The following RAP1GAP2 variants were observed in gnomAD, a reference collection of about 807,000 sequenced individuals.
The protein encoded by RAP1GAP2 is RAP1 GTPase activating protein 2.
RAP1GAP2 carries 27 observed loss-of-function variants against 95.0 expected under a neutral mutation model. The ratio of observed to expected loss-of-function variants is 0.28; its 90% CI spans 0.21 to 0.39. The LOEUF (loss-of-function observed/expected upper bound fraction) is 0.39. RAP1GAP2 is among the 10% of genes least tolerant of loss of function. The probability of loss-of-function intolerance (pLI) is 1.00; values close to 1 mark genes in which losing one functional copy is unlikely to be tolerated. For synonymous variants in RAP1GAP2, 373 were observed against 380.9 expected, an observed-to-expected ratio of 0.98 and a Z score of 0.24; for missense variants, 771 against 970.0, an observed-to-expected ratio of 0.79 and a Z score of 2.72.
intron 3 of RAP1GAP2, among the ~76,000 whole-genome samples, chr17:2,945,306 G>A (rs975519067): frequency 6.6e-6 from 1 of 151,950 alleles, no homozygotes; most frequent in African/African-American, 2.4e-5. Context: ...TTCATTGCTG[G>A]TGTATAGAAA....
At chr17:2,780,340 C>T (rs931908184) in intron 1 of RAP1GAP2, among the ~76,000 whole-genome samples, 1 of 152,230 alleles carries the variant, frequency 6.6e-6, no homozygotes, top group African/African-American at 2.4e-5. Context: ...CGGGAGCCGC[C>T]GCCTCTGGCA....
upstream of RAP1GAP2, among the ~76,000 whole-genome samples, chr17:2,772,181 G>A (rs998407727): frequency 3.3e-5 from 5 of 152,016 alleles, no homozygotes; most frequent in African/African-American, 4.8e-5. Flanking sequence ...AGTAGAGACG[G>A]GGTTTCACCA....
At chr17:2,900,069 G>A (rs77058103) in intron 2 of RAP1GAP2, among the ~76,000 whole-genome samples, 2,043 of 152,286 alleles carry the variant, frequency 0.013, 43 homozygotes, top group African/African-American at 0.045. Flanking sequence ...GTAGCTGAGC[G>A]TGGGTGGATG....
At chr17:3,016,099 A>C (rs9905977) in intron 17 of RAP1GAP2, among the ~76,000 whole-genome samples, 2 of 152,068 alleles carry the variant, frequency 1.3e-5, no homozygotes, top group Non-Finnish European at 2.9e-5. Flanking sequence ...CTCAGTCAGC[A>C]TCAAGATTCC....
In RAP1GAP2 at chr17:2,857,059, C is replaced by T. The variant is rs7223284; in HGVS notation, c.81-48225C>T. 0.66 allele frequency among the ~76,000 whole-genome samples: 100,789 copies of T among 152,096 alleles called. 33,978 individuals are homozygous for T. Among genetic ancestry groups the T allele is most frequent in the African/African-American group, 0.81 (33,545 of 41,512 alleles). ...GCAGCTGCCAGCCTCTCTTAAGCAT[C>T]CCCCATACTCCATGCTGGGCGTTAC... On this transcript the variant is annotated intron_variant, in intron 2 of 24. Coordinates refer to ENST00000254695, the MANE Select transcript of RAP1GAP2 (RefSeq NM_015085.5). This position sits in a 1 kb window ranked among gnomAD's most constrained non-coding sequence, Gnocchi z 4.0.
Position 2,919,660 on chromosome 17 carries a change from G to A in RAP1GAP2, c.165+14292G>A, listed in dbSNP as rs749260443. On this transcript the variant is annotated intron_variant, in intron 3 of 24. Transcript: ENST00000254695. ...GTCTGGGCTGATGGTAAAGGTGACC[G>A]GCTGCCAGGCCCTCCTTCCTTAGCC... 5.6e-4 allele frequency among the ~76,000 whole-genome samples: 86 copies of A among 152,246 alleles called. 1 individual carries two copies. The highest frequency in any genetic ancestry group is 9.9e-4 in the Non-Finnish European group (67 of 68,020).
At position 2,855,973 on chromosome 17, in the gene RAP1GAP2, T is replaced by G. The variant is rs1253407628; in HGVS notation, c.81-49311T>G. On this transcript the variant is annotated intron_variant, in intron 2 of 24. Transcript: ENST00000254695. The surrounding 1 kb of genome is among the most constrained non-coding windows in gnomAD (Gnocchi z 4.3). ...ATAATACAAGTGTTAACAAATATAG[T>G]GGAAATCCTGCAAGTGGTCTAGGAA... is the stretch of plus-strand genomic sequence containing the variant. Among the ~76,000 whole-genome samples the G allele has an allele frequency of 6.6e-6, 1 of 152,166 alleles. No homozygotes were observed. The highest frequency in any genetic ancestry group is 1.5e-5 in the Non-Finnish European group (1 of 68,030).
At chr17:2,910,405 A>G (rs1048743587) in intron 3 of RAP1GAP2, among the ~76,000 whole-genome samples, 1 of 152,164 alleles carries the variant, frequency 6.6e-6, no homozygotes, top group Non-Finnish European at 1.5e-5. Context: ...CCAGGTTATT[A>G]TAGCACACTG....
intron 2 of RAP1GAP2, among the ~76,000 whole-genome samples, chr17:2,802,042 G>A (rs2069323568): frequency 6.6e-6 from 1 of 152,204 alleles, no homozygotes. Context: ...GAGGAAAAAA[G>A]CATTGGCCTC....
intron 10 of RAP1GAP2, among the ~76,000 whole-genome samples, chr17:2,982,584 C>G (rs547579629): frequency 2.0e-5 from 3 of 152,308 alleles, no homozygotes; most frequent in Admixed American, 6.5e-5. Flanking sequence ...GTTTTAGCAT[C>G]TGTTGATACC....
chr17:2,821,439 G>A (rs981845296), intron 2 of RAP1GAP2, among the ~76,000 whole-genome samples: 7 of 142,580 alleles, frequency 4.9e-5, no homozygotes, highest in African/African-American at 8.0e-5. Flanking sequence ...GCAGTGGCAC[G>A]CTTACAGTTC....
intron 2 of RAP1GAP2, among the ~76,000 whole-genome samples, chr17:2,886,911 A>T (rs2073522845): frequency 6.6e-6 from 1 of 152,166 alleles, no homozygotes; most frequent in East Asian, 1.9e-4. Context: ...TCCAGAAATC[A>T]CTTACCGTCT....
intron 3 of RAP1GAP2, among the ~76,000 whole-genome samples, chr17:2,919,764 G>A (rs1042655738): frequency 3.3e-5 from 5 of 151,962 alleles, no homozygotes; most frequent in South Asian, 2.1e-4. Flanking sequence ...GTGCAGTAGC[G>A]CGATCTCGGC....
intron 20 of RAP1GAP2, 45 bp from the exon 21 acceptor site, chr17:3,026,305 C>T (rs1184784243): frequency 1.3e-6 from 2 of 1,484,176 alleles, no homozygotes; most frequent in African/African-American, 2.8e-5. Flanking sequence ...GGGTGGAGGG[C>T]TCTCGCGTGT....
At chr17:2,767,359 TAAAAAAA>T (rs397857982) in intron 1 of RAP1GAP2, among the ~76,000 whole-genome samples, 8 of 53,706 alleles carry the variant, frequency 1.5e-4, no homozygotes, top group Non-Finnish European at 2.3e-4. Context: ...GAGACTCTGT[TAAAAAAA>T]AAAAAAAAAA....
intron 8 of RAP1GAP2, among the ~76,000 whole-genome samples, chr17:2,971,906 A>G (rs905493742): frequency 5.3e-5 from 8 of 152,234 alleles, no homozygotes; most frequent in Non-Finnish European, 7.3e-5. Context: ...AAGAAGCAAT[A>G]AGATAGGTAA....
rs2044563645 is a variant in RAP1GAP2, at chr17:2,965,734, G to T, written c.596+91G>T. On this transcript the variant is annotated intron_variant, in intron 8 of 24. Transcript: ENST00000254695. This position sits in a 1 kb window ranked among gnomAD's most constrained non-coding sequence, Gnocchi z 4.7. ...GCTGGGATGGGACTCAGAAATACCAGACTGACCAGTCTGGTCTGGGTGCAC... is the reference window on the plus strand; with the variant it reads ...GCTGGGATGGGACTCAGAAATACCATACTGACCAGTCTGGTCTGGGTGCAC... The T allele has an allele frequency of 3.1e-6, 3 of 965,672 alleles. No homozygotes were observed. The highest frequency in any genetic ancestry group is 4.8e-6 in the Non-Finnish European group (3 of 624,780). 59.8% of individuals were successfully genotyped at this position (965,672 alleles called of 1,614,324 possible).
chr17:2,957,692 A>T (rs901692640), intron 3 of RAP1GAP2, 67 bp from the exon 4 acceptor site: 3 of 1,508,192 alleles, frequency 2.0e-6, no homozygotes, highest in Non-Finnish European at 2.7e-6. Flanking sequence ...GTTGGTGAGG[A>T]AGAGGCTTTT....
At chr17:2,776,370 C>A (rs62069988), upstream of RAP1GAP2, among the ~76,000 whole-genome samples, 1 of 152,234 alleles carries the variant, frequency 6.6e-6, no homozygotes, top group Non-Finnish European at 1.5e-5. Context: ...CCCCATTGCC[C>A]CCATTGCCCC....
Sources: gnomAD v4.1 joint callset for allele counts (sites outside exome capture counted in the v4.1 genomes callset) on GRCh38, gnomAD v4.1.1 for gene constraint, Gnocchi (gnomAD v3.1) non-coding constraint, MANE v1.5 for transcripts, NCBI Gene and HGNC (gene_info 2026-07-23, HGNC 2026-07-21) for gene names.